ENOX2: variants seen among roughly 807,000 people sequenced by gnomAD.
ENOX2 encodes APK1 antigen.
Under a neutral mutation model 45.0 loss-of-function variants are expected in ENOX2, and 36 were observed. That is an observed-to-expected ratio of 0.80 (90% CI 0.61 to 1.06). The LOEUF (loss-of-function observed/expected upper bound fraction) is 1.06. Among genes scored for constraint, ENOX2 ranks in the 50% least tolerant of loss-of-function variants. The probability of loss-of-function intolerance (pLI) is 0.00; values close to 1 mark genes in which losing one functional copy is unlikely to be tolerated. For synonymous variants in ENOX2, 174 were observed against 152.3 expected, an observed-to-expected ratio of 1.14 and a Z score of -1.05; for missense variants, 423 against 462.5, an observed-to-expected ratio of 0.91 and a Z score of 0.78.
At position 130,624,995 on chromosome X, in the gene ENOX2, C is replaced by A; in HGVS notation, c.*319G>T. The A allele has an allele frequency of 6.3e-6, 1 of 157,596 alleles. No homozygotes were observed. The highest frequency in any genetic ancestry group is 1.2e-5 in the Non-Finnish European group (1 of 82,905). The allele number at this position is 157,596 out of a possible 1,213,427, so 13.0% of individuals were successfully genotyped here. On this transcript the variant is annotated 3_prime_UTR_variant, in exon 15 of 15. Coordinates refer to ENST00000394363, the MANE Select transcript of ENOX2 (RefSeq NM_006375.4). ...CAGTTAACAGTGTTTAAAAAAATAC[C>A]AAGGTCTACAACAGTAGTACAGACA...
At chrX:130,670,587 C>G (rs1282506920) in intron 6 of ENOX2, among the ~76,000 whole-genome samples, 1 of 110,480 alleles carries the variant, frequency 9.1e-6, no homozygotes. Context: ...TGGCCTCAAA[C>G]GAACTTGTCT....
At chrX:130,838,219 T>TA (rs1378097800) in intron 2 of ENOX2, among the ~76,000 whole-genome samples, 2 of 111,075 alleles carry the variant, frequency 1.8e-5, no homozygotes, top group Non-Finnish European at 3.8e-5. Context: ...CCGTCTCTGC[T>TA]AAAAATACAA....
chrX:130,731,898 C>A (rs916595263), intron 3 of ENOX2, among the ~76,000 whole-genome samples: 2 of 111,789 alleles, frequency 1.8e-5, no homozygotes, highest in African/African-American at 6.5e-5. Flanking sequence ...CTATATCACA[C>A]TCAATAGTGA....
chrX:130,800,339 A>G (rs2077197602), intron 2 of ENOX2, among the ~76,000 whole-genome samples: 3 of 103,827 alleles, frequency 2.9e-5, no homozygotes, highest in African/African-American at 1.1e-4. Flanking sequence ...AGCAATGAGT[A>G]GTCAAAAAAA....
At chrX:130,748,001 C>T (rs763044828) in intron 3 of ENOX2, among the ~76,000 whole-genome samples, 3 of 112,170 alleles carry the variant, frequency 2.7e-5, no homozygotes, top group African/African-American at 9.7e-5. Context: ...GGAAAATACT[C>T]ATTAGGCTCT....
Position 130,880,690 on chromosome X carries a change from G to A in ENOX2, c.-183+20994C>T, listed in dbSNP as rs757953798. Among the ~76,000 whole-genome samples, 10 of 111,861 alleles carry A rather than the reference G, an allele frequency of 8.9e-5. No individual in the cohort carries two copies. In the East Asian group the frequency reaches 2.8e-3, roughly 32 times the overall value. ...TATGAGAGCTAAAATGTATAAAAGT[G>A]TCTATGACATAAACATTGAAGGTAG... On this transcript the variant is annotated intron_variant, in intron 2 of 14. Coordinates refer to ENST00000394363, the MANE Select transcript of ENOX2 (RefSeq NM_006375.4).
chrX:130,690,904 T>C (rs936081841), intron 4 of ENOX2, among the ~76,000 whole-genome samples: 99 of 111,564 alleles, frequency 8.9e-4, no homozygotes, highest in Non-Finnish European at 1.5e-3. Context: ...TATCCTGTGA[T>C]GTCAAGACCC....
At chrX:130,845,595 A>G (rs142364978) in intron 2 of ENOX2, among the ~76,000 whole-genome samples, 2,477 of 112,020 alleles carry the variant, frequency 0.022, 36 homozygotes, top group South Asian at 0.047. Flanking sequence ...CCTCCTGAGT[A>G]GCTGGGATTA....
intron 4 of ENOX2, among the ~76,000 whole-genome samples, chrX:130,690,594 A>G (rs1162726017): frequency 8.9e-6 from 1 of 112,292 alleles, no homozygotes; most frequent in South Asian, 3.7e-4. Context: ...CAGCAGTAGC[A>G]GGACTTACTC....
intron 10 of ENOX2, chrX:130,645,770 G>T: frequency 2.4e-6 from 2 of 823,994 alleles, no homozygotes; most frequent in South Asian, 4.4e-5. Flanking sequence ...TGCGGAAGAG[G>T]TGGGTTCTCG....
intron 3 of ENOX2, among the ~76,000 whole-genome samples, chrX:130,739,760 C>A (rs763971635): frequency 8.9e-6 from 1 of 112,037 alleles, no homozygotes; most frequent in Non-Finnish European, 1.9e-5. Context: ...GGAACTCACA[C>A]CTTGACTTTG....
chrX:130,881,897 C>G (rs749263930), intron 2 of ENOX2, among the ~76,000 whole-genome samples: 2 of 111,864 alleles, frequency 1.8e-5, no homozygotes, highest in East Asian at 5.6e-4. Flanking sequence ...CTTTAGCTAG[C>G]AGAAGAGGAG....
intron 3 of ENOX2, among the ~76,000 whole-genome samples, chrX:130,737,479 C>A (rs1175769051): frequency 8.9e-6 from 1 of 112,448 alleles, no homozygotes; most frequent in Non-Finnish European, 1.9e-5. Context: ...CACACACACA[C>A]AACTTACTTC....
chrX:130,671,510 C>A lies in ENOX2; in HGVS notation c.461-1312G>T, dbSNP rs149730201. 4.3e-3 allele frequency among the ~76,000 whole-genome samples: 479 copies of A among 111,620 alleles called. 2 individuals are homozygous for A. The highest frequency in any genetic ancestry group is 0.015 in the African/African-American group (456 of 30,672). ...CTAGGAAGACTATGGAAATAGAGTT[C>A]ATAAGGCAGAGTACCAGAAAGAAGA... On this transcript the variant is annotated intron_variant, in intron 6 of 14. Transcript: ENST00000394363.
chrX:130,874,236 G>A (rs956535581), intron 2 of ENOX2, among the ~76,000 whole-genome samples: 1 of 111,895 alleles, frequency 8.9e-6, no homozygotes, highest in Admixed American at 9.5e-5. Context: ...AAAACCACTT[G>A]GTAAATACTT....
intron 3 of ENOX2, among the ~76,000 whole-genome samples, chrX:130,776,110 A>C (rs1203039206): frequency 9.0e-6 from 1 of 111,680 alleles, no homozygotes; most frequent in Non-Finnish European, 1.9e-5. Context: ...GACAAAAATG[A>C]CATTTGCTTT....
intron 2 of ENOX2, among the ~76,000 whole-genome samples, chrX:130,851,607 C>T (rs745585449): frequency 2.8e-4 from 31 of 110,894 alleles, no homozygotes; most frequent in Admixed American, 9.6e-4. Context: ...CATCTTATCC[C>T]TTTCTAGTCT....
intron 3 of ENOX2, among the ~76,000 whole-genome samples, chrX:130,756,059 C>T (rs1439421088): frequency 8.9e-6 from 1 of 112,222 alleles, no homozygotes; most frequent in Non-Finnish European, 1.9e-5. Context: ...CAAGGAAAAT[C>T]TGTTTTTCAA....
chrX:130,667,976 G>A (rs753319204), intron 7 of ENOX2, among the ~76,000 whole-genome samples: 1 of 110,517 alleles, frequency 9.0e-6, no homozygotes, highest in East Asian at 2.9e-4. Flanking sequence ...TGAATTTTCA[G>A]AAAGAGAAAT....
Sources: allele counts gnomAD v4.1 joint callset (sites outside exome capture counted in the v4.1 genomes callset), GRCh38; gene constraint gnomAD v4.1.1; transcripts MANE v1.5; gene names NCBI Gene and HGNC (gene_info 2026-07-23, HGNC 2026-07-21).